The following TBC1D26 variants were observed in gnomAD, a reference collection of about 807,000 sequenced individuals.
The protein encoded by TBC1D26 is TBC1 domain family, member 26.
In TBC1D26, 19 loss-of-function variants were observed where a neutral mutation model predicts 42.5. That is an observed-to-expected ratio of 0.45 (90% CI 0.31 to 0.66). TBC1D26 has a LOEUF of 0.66. Ranked by LOEUF, TBC1D26 falls within the 30% of genes least tolerant of loss-of-function variation. The pLI is 0.06. For missense variants in TBC1D26, 228 were observed against 332.6 expected, an observed-to-expected ratio of 0.69 and a Z score of 2.45; for synonymous variants, 97 against 123.5, an observed-to-expected ratio of 0.79 and a Z score of 1.42.
intron 9 of TBC1D26, chr17:15,740,622 A>G (rs2151502254): frequency 9.2e-7 from 1 of 1,083,074 alleles, no homozygotes; most frequent in African/African-American, 1.6e-5. Context: ...CTTGGCCCCC[A>G]CTTTCCAGAC....
chr17:15,735,122 T>C (rs776578063), intron 2 of TBC1D26, 52 bp downstream of exon 2: 72 of 598,734 alleles, frequency 1.2e-4, no homozygotes, highest in Non-Finnish European at 1.8e-4. Context: ...CTGTCCAGGT[T>C]CCCGTGTGCT....
chr17:15,744,437 C>A lies in TBC1D26; in HGVS notation c.1252C>A (p.Gln418Lys), dbSNP rs183057951. 1.1e-4 allele frequency: 17 copies of A among 152,300 alleles called. No individual in the cohort carries two copies. The highest frequency in any genetic ancestry group is 3.4e-4 in the African/African-American group (14 of 41,564). 9.4% of individuals were successfully genotyped at this position (152,300 alleles called of 1,614,324 possible). The change falls in exon 15 of 15, where the codon CAA becomes AAA. Residue 418 changes from glutamine to lysine, a missense_variant. Around this residue, in one of 5 missense-constraint regions of TBC1D26, gnomAD observed 130 missense variants for 168.5 expected, o/e 0.77. Transcript: ENST00000437605. The part of the protein sequence containing the change: ...NEGQPAADQS[Q>K]KEMKCECMAF... ...GGGTCAACCAGCAGCAGACCAGTCACAAAAAGAGATGAAATGTGAGTGCAT... is the reference window on the plus strand; with the variant it reads ...GGGTCAACCAGCAGCAGACCAGTCAAAAAAAGAGATGAAATGTGAGTGCAT...
At chr17:15,738,217 G>T (rs1403259516) in intron 6 of TBC1D26, 63 bp from the exon 7 acceptor site, 2 of 1,607,080 alleles carry the variant, frequency 1.2e-6, no homozygotes, top group Non-Finnish European at 1.7e-6. Context: ...AGGCCTGTTC[G>T]CCAGCTTTGC....
At chr17:15,740,420 G>C in intron 9 of TBC1D26, 1 of 1,393,392 alleles carries the variant, frequency 7.2e-7, no homozygotes, top group Non-Finnish European at 9.3e-7. Flanking sequence ...CACACAGGAT[G>C]GTCCTTGTAG....
rs747635597 is a variant in TBC1D26 at position 15,744,692 on chromosome 17, C to A, written c.*100C>A. On this transcript the variant is annotated 3_prime_UTR_variant, in exon 15 of 15. Coordinates refer to ENST00000437605, the MANE Select transcript of TBC1D26 (RefSeq NM_001388465.1). ...ACATAGGAAAGACTGCAAGTTATTA[C>A]GGGAGGAGGAGGAGGCCTGAAACAG... The A allele has an allele frequency of 1.3e-5, 2 of 151,994 alleles. No homozygotes were observed. Among genetic ancestry groups the A allele is most frequent in the Admixed American group, 6.5e-5 (1 of 15,272 alleles). The allele number at this position is 151,994 out of a possible 1,614,324, so 9.4% of individuals were successfully genotyped here. A position where few individuals can be genotyped will look rare whatever the true frequency, so the allele number is the denominator to read the frequency against.
intron 10 of TBC1D26, 86 bp downstream of exon 10, chr17:15,741,307 AC>A: frequency 6.3e-7 from 1 of 1,597,474 alleles, no homozygotes; most frequent in Admixed American, 1.7e-5. Flanking sequence ...CTGGCCGGTG[AC>A]CCTGACTTCC....
At chr17:15,740,415 A>C (rs1967746570) in intron 9 of TBC1D26, 3 of 1,401,716 alleles carry the variant, frequency 2.1e-6, no homozygotes, top group Non-Finnish European at 2.8e-6. Context: ...GGTCCCACAC[A>C]GGATGGTCCT....
chr17:15,737,411 C>T, intron 4 of TBC1D26, 73 bp from the exon 5 acceptor site: 1 of 1,554,718 alleles, frequency 6.4e-7, no homozygotes, highest in Non-Finnish European at 8.8e-7. Flanking sequence ...TGGTCCTTCC[C>T]TGGGGCCCTC....
intron 8 of TBC1D26, among the ~76,000 whole-genome samples, chr17:15,739,367 C>T (rs1194404526): frequency 1.3e-5 from 2 of 152,360 alleles, no homozygotes; most frequent in Non-Finnish European, 2.9e-5. Flanking sequence ...TGAAAACTGA[C>T]GTCCAAGTAA....
Position 15,735,086 on chromosome 17 carries a change from G to T in TBC1D26, c.-2+16G>T. The T allele has an allele frequency of 1.8e-6, 1 of 558,092 alleles. No individual in the cohort carries two copies. The highest frequency in any genetic ancestry group is 3.2e-6 in the Non-Finnish European group (1 of 312,720). The allele number at this position is 558,092 out of a possible 1,614,324, so 34.6% of individuals were successfully genotyped here. On this transcript the variant is annotated intron_variant, in intron 2 of 14. Coordinates refer to ENST00000437605, the MANE Select transcript of TBC1D26 (RefSeq NM_001388465.1). ...GCCAGGGCAGGTGTGTGTCTGCCTTGGGGTGTTCAGGGACAATAGGCCTCT... is the reference window on the plus strand; with the variant it reads ...GCCAGGGCAGGTGTGTGTCTGCCTTTGGGTGTTCAGGGACAATAGGCCTCT...
intron 9 of TBC1D26, chr17:15,740,885 G>T (rs561670411): frequency 1.7e-5 from 11 of 648,864 alleles, no homozygotes; most frequent in African/African-American, 1.6e-4. Flanking sequence ...CGGGCCATGT[G>T]AGCTTGGACA....
intron 8 of TBC1D26, 64 bp downstream of exon 8, chr17:15,738,894 T>C: frequency 3.1e-6 from 5 of 1,607,572 alleles, no homozygotes; most frequent in South Asian, 1.1e-5. Context: ...AATGAGGTTG[T>C]CCCCAGGGCA....
chr17:15,734,993 T>C lies in TBC1D26; in HGVS notation c.-79T>C, dbSNP rs1967570937. 1 of 345,702 alleles carries C rather than the reference T, an allele frequency of 2.9e-6. No homozygotes were observed. Among genetic ancestry groups the C allele is most frequent in the African/African-American group, 2.1e-5 (1 of 48,534 alleles). The allele number at this position is 345,702 out of a possible 1,614,324, so 21.4% of individuals were successfully genotyped here. ...GAGACATCCAGTCCCTGACTCCACC[T>C]GCCTCCAGGTGCCCAGAACAGCCCA... On this transcript the variant is annotated 5_prime_UTR_variant, in exon 2 of 15. Coordinates refer to ENST00000437605, the MANE Select transcript of TBC1D26 (RefSeq NM_001388465.1).
chr17:15,739,486 C>A (rs185988444), intron 8 of TBC1D26, among the ~76,000 whole-genome samples: 586 of 152,376 alleles, frequency 3.8e-3, no homozygotes, highest in Middle Eastern at 0.024. Context: ...ACTCTTCAGA[C>A]AGAGGCGACT....
rs1485049997 is a variant in TBC1D26, at chr17:15,742,043, G to A, written c.741+7G>A. 6.2e-7 allele frequency: 1 copy of A among 1,612,854 alleles called. No individual in the cohort carries two copies. The highest frequency in any genetic ancestry group is 8.5e-7 in the Non-Finnish European group (1 of 1,179,006). On this transcript the variant is annotated splice_region_variant and intron_variant, in intron 11 of 14. Transcript: ENST00000437605. ...AAAGATCATGAGACACCTGGTGAGT[G>A]GATGACACCCTCAGCTCCTAACCAG...
At chr17:15,740,579 T>C (rs1967750725) in intron 9 of TBC1D26, 1 of 1,102,868 alleles carries the variant, frequency 9.1e-7, no homozygotes, top group South Asian at 3.2e-5. Context: ...GCATAGCAGA[T>C]AGGGAGGGGG....
At position 15,744,594 on chromosome 17, in the gene TBC1D26, A is replaced by G. The variant is rs1597759998; in HGVS notation, c.*2A>G. The G allele has an allele frequency of 6.6e-6, 1 of 152,034 alleles. No individual in the cohort carries two copies. Among genetic ancestry groups the G allele is most frequent in the Non-Finnish European group, 1.5e-5 (1 of 68,030 alleles). The allele number at this position is 152,034 out of a possible 1,614,324, so 9.4% of individuals were successfully genotyped here. On this transcript the variant is annotated 3_prime_UTR_variant, in exon 15 of 15. Transcript: ENST00000437605. ...CTCTTGACACCCTCTGGCTCCTGAC[A>G]CCCTCTCTTCGGCTGCCTGCGTTAG... is the stretch of plus-strand genomic sequence containing the variant.
At position 15,735,607 on chromosome 17, in the gene TBC1D26, C is replaced by A. The variant is rs754918263; in HGVS notation, c.86C>A (p.Ala29Asp). ...TCCTCTGGGTTTCAGGGACACCGAG[C>A]TGGGGCAGCAGTGGACTTGGGGCAT... is the stretch of plus-strand genomic sequence containing the variant. Reference protein sequence around the residue: ...IITKYEQGHRAGAAVDLGHEQ... With the variant: ...IITKYEQGHRDGAAVDLGHEQ... The change falls in exon 4 of 15, where the codon GCT becomes GAT. Residue 29 changes from alanine to aspartate, a missense_variant. Physicochemically the swap from Ala to Asp is moderately radical, Grantham distance 126. This residue lies in a region of TBC1D26 where 5 missense variants were observed against 31.6 expected (regional missense o/e 0.16). Coordinates refer to ENST00000437605, the MANE Select transcript of TBC1D26 (RefSeq NM_001388465.1). The A allele has an allele frequency of 6.0e-6, 5 of 831,708 alleles. No homozygotes were observed. The highest frequency in any genetic ancestry group is 9.5e-6 in the Non-Finnish European group (5 of 526,216). The allele number at this position is 831,708 out of a possible 1,614,324, so 51.5% of individuals were successfully genotyped here.
At chr17:15,739,412 T>TA (rs1344334608) in intron 8 of TBC1D26, among the ~76,000 whole-genome samples, 3 of 152,282 alleles carry the variant, frequency 2.0e-5, no homozygotes, top group Non-Finnish European at 4.4e-5. Context: ...TGATTGATTG[T>TA]AACTCACACC....
Sources: allele counts gnomAD v4.1 joint callset (sites outside exome capture counted in the v4.1 genomes callset), GRCh38; gene constraint gnomAD v4.1.1; regional missense constraint gnomAD v4.1.1; transcripts MANE v1.5; gene names NCBI Gene and HGNC (gene_info 2026-07-23, HGNC 2026-07-21).